Variants in B3GALT5 observed in about 807,000 individuals in gnomAD.
B3GALT5 encodes the protein UDP-Gal:betaGlcNAc beta 1,3-galactosyltransferase, polypeptide 5.
For missense variants in B3GALT5, 328 were observed against 396.6 expected, an observed-to-expected ratio of 0.83 and a Z score of 1.47; for synonymous variants, 156 against 158.6, an observed-to-expected ratio of 0.98 and a Z score of 0.12.
intron 2 of B3GALT5, among the ~76,000 whole-genome samples, 163 bp from the exon 3 acceptor site, chr21:39,659,590 C>T (rs1218907051): frequency 6.6e-6 from 1 of 152,120 alleles, no homozygotes; most frequent in Non-Finnish European, 1.5e-5. Context: ...CTTGATCATA[C>T]CCATTTTACA....
At chr21:39,625,360 C>G (rs969740899) in intron 1 of B3GALT5, among the ~76,000 whole-genome samples, 11 of 152,176 alleles carry the variant, frequency 7.2e-5, no homozygotes, top group African/African-American at 2.7e-4. Flanking sequence ...CTCGGTTGAC[C>G]CGGCTGCAAC....
chr21:39,644,918 T>C (rs1363779498), intron 1 of B3GALT5, among the ~76,000 whole-genome samples: 1 of 152,122 alleles, frequency 6.6e-6, no homozygotes, highest in Non-Finnish European at 1.5e-5. Flanking sequence ...GATGGATGTG[T>C]GTTGACTGGC....
intron 1 of B3GALT5, among the ~76,000 whole-genome samples, chr21:39,639,352 TTCCTTCCTTCCTTCC>T (rs2079261210): frequency 1.8e-5 from 2 of 110,782 alleles, no homozygotes; most frequent in African/African-American, 7.3e-5. Context: ...CTTTCTTTCC[TTCCTTCCTTCCTTCC>T]TTCCTTCCTT....
At chr21:39,649,364 G>A (rs1569216661) in intron 2 of B3GALT5, among the ~76,000 whole-genome samples, 1 of 152,082 alleles carries the variant, frequency 6.6e-6, no homozygotes, top group Non-Finnish European at 1.5e-5. Context: ...GCTGTTTCTG[G>A]AACCCACAGG....
Position 39,627,053 on chromosome 21 carries a change from G to A in B3GALT5, c.-392+13986G>A, listed in dbSNP as rs116235821. Reference sequence around the variant, plus strand: ...TTCAGCTGTTGGTACTGTGGAGGGGGGGATTTTATTGAAGCCAACTGCCAT... The same window carrying A: ...TTCAGCTGTTGGTACTGTGGAGGGGAGGATTTTATTGAAGCCAACTGCCAT... On this transcript the variant is annotated intron_variant, in intron 1 of 3. Transcript: ENST00000684187. Among the ~76,000 whole-genome samples, 1,347 of 152,234 alleles carry A rather than the reference G, an allele frequency of 8.8e-3. 13 individuals carry two copies. The highest frequency in any genetic ancestry group is 0.029 in the African/African-American group (1,206 of 41,540).
chr21:39,638,478 C>G (rs996446059), intron 1 of B3GALT5, among the ~76,000 whole-genome samples: 2 of 152,176 alleles, frequency 1.3e-5, no homozygotes, highest in African/African-American at 2.4e-5. Flanking sequence ...AGCAGCCTGA[C>G]TCCAGGGGAA....
In B3GALT5 at chr21:39,657,926, C is replaced by T. The variant is rs990151173; in HGVS notation, c.-160-1827C>T. Reference sequence around the variant, plus strand: ...TTCTGTAGCACAGATAGTGCCTGTTCATGGCTCTGTCCCAGGTAAGGCAGA... The same window carrying T: ...TTCTGTAGCACAGATAGTGCCTGTTTATGGCTCTGTCCCAGGTAAGGCAGA... On this transcript the variant is annotated intron_variant, in intron 2 of 3. Coordinates refer to ENST00000684187, the MANE Select transcript of B3GALT5 (RefSeq NM_001356336.2). 4.1e-6 allele frequency: 5 copies of T among 1,230,818 alleles called. No individual in the cohort carries two copies. The African/African-American group carries it at 7.8e-5, about 19-fold the overall frequency. The allele number at this position is 1,230,818 out of a possible 1,614,324, so 76.2% of individuals were successfully genotyped here. A position where few individuals can be genotyped will look rare whatever the true frequency, so the allele number is the denominator to read the frequency against.
chr21:39,639,567 C>T (rs937028402), intron 1 of B3GALT5, among the ~76,000 whole-genome samples: 22 of 150,984 alleles, frequency 1.5e-4, no homozygotes, highest in Non-Finnish European at 2.8e-4. Context: ...GCAACCTCCA[C>T]CTCCTGGGTT....
chr21:39,647,098 C>T (rs1003378901), intron 2 of B3GALT5, among the ~76,000 whole-genome samples: 14 of 151,914 alleles, frequency 9.2e-5, no homozygotes, highest in African/African-American at 3.4e-4. Context: ...GAGACCCTGT[C>T]TCAAAAAAGC....
intron 1 of B3GALT5, among the ~76,000 whole-genome samples, chr21:39,617,571 T>G (rs916924894): frequency 6.6e-6 from 1 of 152,170 alleles, no homozygotes; most frequent in African/African-American, 2.4e-5. Flanking sequence ...GGAACTGCCT[T>G]TTAATCCAAT....
At chr21:39,639,068 C>T (rs1184034447) in intron 1 of B3GALT5, among the ~76,000 whole-genome samples, 1 of 152,172 alleles carries the variant, frequency 6.6e-6, no homozygotes, top group Non-Finnish European at 1.5e-5. Context: ...CACAGCCTCG[C>T]TCCCATATTA....
chr21:39,640,249 A>G (rs967360752), intron 1 of B3GALT5, among the ~76,000 whole-genome samples: 3 of 152,112 alleles, frequency 2.0e-5, no homozygotes, highest in Non-Finnish European at 4.4e-5. Flanking sequence ...TGAACCACCG[A>G]CCATGACTCT....
chr21:39,627,856 A>G (rs1474833180), intron 1 of B3GALT5, among the ~76,000 whole-genome samples: 1 of 152,218 alleles, frequency 6.6e-6, no homozygotes, highest in Non-Finnish European at 1.5e-5. Context: ...TAAGTGACGT[A>G]CAAGCACCAC....
At chr21:39,654,091 A>G (rs1038479093) in intron 2 of B3GALT5, among the ~76,000 whole-genome samples, 7 of 152,236 alleles carry the variant, frequency 4.6e-5, no homozygotes, top group Admixed American at 2.0e-4. Flanking sequence ...GTGTGCAGGA[A>G]TGATTTGCTA....
rs574265463 is a variant in B3GALT5 at position 39,640,691 on chromosome 21, A to ATT, written c.-391-5689_-391-5688dup. Among the ~76,000 whole-genome samples the ATT allele has an allele frequency of 5.5e-4, 80 of 146,208 alleles. 1 individual carries two copies. The highest frequency in any genetic ancestry group is 3.6e-3 in the Middle Eastern group (1 of 278). On this transcript the variant is annotated intron_variant, in intron 1 of 3. Transcript: ENST00000684187. ...CATCAAGAAAGATGAAATCCATTCT[A>ATT]TTTTTTTTTTTTTGAGAATGAAGAC...
intron 1 of B3GALT5, among the ~76,000 whole-genome samples, chr21:39,623,774 A>C (rs1050052520): frequency 1.3e-5 from 2 of 152,182 alleles, no homozygotes; most frequent in African/African-American, 4.8e-5. Context: ...TGTGGAAGAT[A>C]GGTTTATCTT....
intron 1 of B3GALT5, among the ~76,000 whole-genome samples, chr21:39,645,754 T>G (rs1374248802): frequency 6.6e-6 from 1 of 152,122 alleles, no homozygotes; most frequent in Non-Finnish European, 1.5e-5. Flanking sequence ...GGACAACCTT[T>G]GAGAAACACC....
chr21:39,648,216 G>A (rs905908971), intron 2 of B3GALT5, among the ~76,000 whole-genome samples: 14 of 152,166 alleles, frequency 9.2e-5, no homozygotes, highest in Non-Finnish European at 1.0e-4. Flanking sequence ...AGAAAAGAAT[G>A]CATCAGATTT....
intron 2 of B3GALT5, among the ~76,000 whole-genome samples, chr21:39,658,077 G>A (rs938411639): frequency 6.6e-6 from 1 of 152,194 alleles, no homozygotes; most frequent in Non-Finnish European, 1.5e-5. Flanking sequence ...TCCTTCAGTG[G>A]AAGGCTGGCC....
Sources: gnomAD v4.1 joint callset for allele counts (sites outside exome capture counted in the v4.1 genomes callset) on GRCh38, gnomAD v4.1.1 for gene constraint, MANE v1.5 for transcripts, NCBI Gene and HGNC (gene_info 2026-07-23, HGNC 2026-07-21) for gene names.